RUNX1: variants seen among roughly 807,000 people sequenced by gnomAD.
RUNX1 encodes the protein runt-related transcription factor 1.
RUNX1 carries 19 observed loss-of-function variants against 42.8 expected under a neutral mutation model. The observed-to-expected ratio is 0.44, with a 90% CI of 0.31 to 0.65. The LOEUF (loss-of-function observed/expected upper bound fraction) is 0.65. Ranked by LOEUF, RUNX1 falls within the 30% of genes least tolerant of loss-of-function variation. RUNX1 has a pLI of 0.07. For missense variants in RUNX1, 528 were observed against 672.0 expected, an observed-to-expected ratio of 0.79 and a Z score of 2.37; for synonymous variants, 271 against 289.4, an observed-to-expected ratio of 0.94 and a Z score of 0.64.
chr21:34,940,877 C>T lies in RUNX1; in HGVS notation c.59-47914G>A, dbSNP rs540166785. On this transcript the variant is annotated intron_variant, in intron 2 of 8. Transcript: ENST00000675419. Reference sequence around the variant, plus strand: ...GGCTTTTTCAAAAATATATTTGCTCCCTTCAAGTTGGACTGAAATAAACTC... The same window carrying T: ...GGCTTTTTCAAAAATATATTTGCTCTCTTCAAGTTGGACTGAAATAAACTC... 1.6e-4 allele frequency among the ~76,000 whole-genome samples: 25 copies of T among 152,302 alleles called. No individual in the cohort carries two copies. In the South Asian group the frequency reaches 2.9e-3, roughly 18 times the overall value.
At chr21:34,919,938 C>A (rs942228145) in intron 2 of RUNX1, among the ~76,000 whole-genome samples, 12 of 152,278 alleles carry the variant, frequency 7.9e-5, no homozygotes. Context: ...GGTAATTGAG[C>A]AGATGTTCTT....
chr21:35,009,663 G>A lies in RUNX1; in HGVS notation c.58+39179C>T, dbSNP rs555333944. ...TTCTCCCATTTATGCACTGTGACCT[G>A]GACTGGTCAGAGTTGGCCCTGCTCA... On this transcript the variant is annotated intron_variant, in intron 2 of 8. Coordinates refer to ENST00000675419, the MANE Select transcript of RUNX1 (RefSeq NM_001754.5). Among the ~76,000 whole-genome samples the A allele has an allele frequency of 2.6e-5, 4 of 152,270 alleles. No individual in the cohort carries two copies. In the South Asian group the frequency reaches 6.2e-4, roughly 24 times the overall value.
chr21:34,927,937 A>T (rs1163881342), intron 2 of RUNX1, among the ~76,000 whole-genome samples: 3 of 152,218 alleles, frequency 2.0e-5, no homozygotes, highest in Non-Finnish European at 4.4e-5. Flanking sequence ...GAGTTTTAAA[A>T]AATTGTAATG....
chr21:35,014,404 TG>T (rs2059145592), intron 2 of RUNX1, among the ~76,000 whole-genome samples: 1 of 152,214 alleles, frequency 6.6e-6, no homozygotes, highest in Non-Finnish European at 1.5e-5. Flanking sequence ...ATTAGGAATC[TG>T]GTGACTTTCC....
At chr21:34,875,112 C>T (rs1210059570) in intron 5 of RUNX1, among the ~76,000 whole-genome samples, 3 of 152,228 alleles carry the variant, frequency 2.0e-5, no homozygotes, top group African/African-American at 7.2e-5. Flanking sequence ...ACAAAATCAG[C>T]AAGAAAACTA....
chr21:34,995,244 C>A (rs931898140), intron 2 of RUNX1, among the ~76,000 whole-genome samples: 12 of 152,134 alleles, frequency 7.9e-5, no homozygotes, highest in African/African-American at 2.4e-4. Flanking sequence ...ACTCTCTGAC[C>A]CTTTCAGCTC....
At chr21:34,826,434 CTTTTT>C (rs772880673) in intron 7 of RUNX1, among the ~76,000 whole-genome samples, 2 of 105,350 alleles carry the variant, frequency 1.9e-5, no homozygotes, top group South Asian at 3.4e-4. Flanking sequence ...TTCTTTCTTT[CTTTTT>C]TTTTTTTTTT....
intron 2 of RUNX1, among the ~76,000 whole-genome samples, chr21:35,007,375 G>A (rs1445456677): frequency 1.3e-5 from 2 of 152,080 alleles, no homozygotes; most frequent in African/African-American, 2.4e-5. Flanking sequence ...GGCTTTGGGG[G>A]AAATGCTCTC....
chr21:35,007,203 C>T (rs11701223), intron 2 of RUNX1, among the ~76,000 whole-genome samples: 16,407 of 152,228 alleles, frequency 0.11, 978 homozygotes, highest in African/African-American at 0.13. Flanking sequence ...ATTAATCTCA[C>T]GTGTTTCTTT....
At chr21:35,036,946 C>T (rs2059312836) in intron 2 of RUNX1, among the ~76,000 whole-genome samples, 1 of 152,092 alleles carries the variant, frequency 6.6e-6, no homozygotes, top group Admixed American at 6.5e-5. Context: ...GGTGGCAGGC[C>T]CCTGATTGCT....
intron 5 of RUNX1, among the ~76,000 whole-genome samples, chr21:34,867,460 T>A (rs2057678433): frequency 6.6e-6 from 1 of 152,028 alleles, no homozygotes; most frequent in East Asian, 1.9e-4. Flanking sequence ...TGAATCACTC[T>A]GCAAACTTTC....
intron 2 of RUNX1, among the ~76,000 whole-genome samples, chr21:34,935,163 C>A (rs1480286797): frequency 6.6e-6 from 1 of 152,072 alleles, no homozygotes; most frequent in Non-Finnish European, 1.5e-5. Context: ...GTCACTCATG[C>A]GTTAGCTGAT....
At chr21:35,020,801 A>C (rs151204313) in intron 2 of RUNX1, among the ~76,000 whole-genome samples, 12 of 152,302 alleles carry the variant, frequency 7.9e-5, no homozygotes, top group Middle Eastern at 6.8e-3. Context: ...TTGCTTGTTT[A>C]ATGCCTTTAA....
rs2056422230 is a variant in RUNX1 at position 34,790,631 on chromosome 21, A to AC, written c.*1503dup. 4.3e-6 allele frequency: 1 copy of AC among 233,320 alleles called. No homozygotes were observed. The allele number at this position is 233,320 out of a possible 1,614,324, so 14.5% of individuals were successfully genotyped here. A position where few individuals can be genotyped will look rare whatever the true frequency, so the allele number is the denominator to read the frequency against. On this transcript the variant is annotated 3_prime_UTR_variant, in exon 9 of 9. Coordinates refer to ENST00000675419, the MANE Select transcript of RUNX1 (RefSeq NM_001754.5). The stretch of plus-strand genomic sequence containing the variant: ...CTGGTGCACAGGTAAAAGCCCATAT[A>AC]CCCCATAGGGTAGGGTCTCAGCCTG...
intron 2 of RUNX1, among the ~76,000 whole-genome samples, chr21:34,967,860 T>C (rs1339415515): frequency 6.6e-6 from 1 of 152,190 alleles, no homozygotes; most frequent in Non-Finnish European, 1.5e-5. Flanking sequence ...TAATCACCAA[T>C]TGCTGAAAGA....
At chr21:34,850,444 A>G (rs2409537) in intron 6 of RUNX1, among the ~76,000 whole-genome samples, 52,791 of 152,082 alleles carry the variant, frequency 0.35, 9,441 homozygotes, top group East Asian at 0.52. Context: ...CTTGGGAGAC[A>G]CACTGCATTT....
At chr21:34,805,848 C>CA (rs991393064) in intron 7 of RUNX1, among the ~76,000 whole-genome samples, 15 of 152,008 alleles carry the variant, frequency 9.9e-5, no homozygotes, top group Admixed American at 5.9e-4. Flanking sequence ...GTGATTATAG[C>CA]ATGTGGATAA....
intron 2 of RUNX1, among the ~76,000 whole-genome samples, chr21:35,023,724 G>C (rs554544538): frequency 6.6e-6 from 1 of 152,248 alleles, no homozygotes; most frequent in South Asian, 2.1e-4. Context: ...GAAATGAAAG[G>C]GGGGCACAGG....
At chr21:34,857,584 T>C (rs1322953586) in intron 6 of RUNX1, among the ~76,000 whole-genome samples, 1 of 152,196 alleles carries the variant, frequency 6.6e-6, no homozygotes, top group Non-Finnish European at 1.5e-5. Flanking sequence ...CGGCTGTTGC[T>C]TCTAGTTCTA....
Sources: allele counts gnomAD v4.1 joint callset (sites outside exome capture counted in the v4.1 genomes callset), GRCh38; gene constraint gnomAD v4.1.1; transcripts MANE v1.5; gene names NCBI Gene and HGNC (gene_info 2026-07-23, HGNC 2026-07-21).